Variants in GABRB3 observed in about 807,000 individuals in gnomAD.
The protein encoded by GABRB3 is gamma-aminobutyric acid receptor subunit beta-3.
Under a neutral mutation model 52.1 loss-of-function variants are expected in GABRB3, and 14 were observed. That is an observed-to-expected ratio of 0.27 (90% CI 0.18 to 0.42). The LOEUF (loss-of-function observed/expected upper bound fraction) is 0.42, where lower values mean the gene tolerates loss of function less well. Among genes scored for constraint, GABRB3 ranks in the 10% least tolerant of loss-of-function variants. The pLI is 1.00. For synonymous variants in GABRB3, 260 were observed against 232.3 expected, an observed-to-expected ratio of 1.12 and a Z score of -1.08; for missense variants, 307 against 609.1, an observed-to-expected ratio of 0.50 and a Z score of 5.22.
chr15:26,763,276 A>G (rs534567623), intron 3 of GABRB3, among the ~76,000 whole-genome samples: 284 of 152,264 alleles, frequency 1.9e-3, no homozygotes, highest in African/African-American at 6.6e-3. Flanking sequence ...TTCTGGGACA[A>G]GTTCACAGGG....
rs78822758 is a variant in GABRB3, at chr15:26,589,954, G to A, written c.462-6540C>T. 1.8e-4 allele frequency among the ~76,000 whole-genome samples: 28 copies of A among 152,242 alleles called. No individual in the cohort carries two copies. The East Asian group carries it at 2.5e-3, about 14-fold the overall frequency. Reference sequence around the variant, plus strand: ...TAATGTCCCAAATGTAAGAGTCAGCGGGGACACATTCCCGCTAACAAGCAC... The same window carrying A: ...TAATGTCCCAAATGTAAGAGTCAGCAGGGACACATTCCCGCTAACAAGCAC... On this transcript the variant is annotated intron_variant, in intron 4 of 8. Transcript: ENST00000311550.
At chr15:26,609,474 G>A (rs4906683) in intron 4 of GABRB3, among the ~76,000 whole-genome samples, 74,895 of 151,896 alleles carry the variant, frequency 0.49, 19,569 homozygotes, top group Non-Finnish European at 0.59. Context: ...AAATCTACTC[G>A]ATATAAAACG....
intron 3 of GABRB3, among the ~76,000 whole-genome samples, chr15:26,762,175 G>A (rs1318048405): frequency 6.6e-6 from 1 of 152,034 alleles, no homozygotes; most frequent in Non-Finnish European, 1.5e-5. Context: ...AACATAAGAA[G>A]GCTTAATACA....
At chr15:26,721,826 CA>C (rs1467502406) in intron 3 of GABRB3, among the ~76,000 whole-genome samples, 3 of 151,770 alleles carry the variant, frequency 2.0e-5, no homozygotes, top group African/African-American at 7.3e-5. Context: ...AAGAAAGAGC[CA>C]GGACTAGCAG....
intron 4 of GABRB3, among the ~76,000 whole-genome samples, chr15:26,600,944 C>T (rs572547172): frequency 5.3e-5 from 8 of 152,106 alleles, no homozygotes; most frequent in South Asian, 2.1e-4. Context: ...AAACACATCA[C>T]GAAATGAGGT....
chr15:26,616,081 A>G (rs1308343687), intron 4 of GABRB3: 2 of 1,289,096 alleles, frequency 1.6e-6, no homozygotes, highest in African/African-American at 1.5e-5. Context: ...AAAAGATGCA[A>G]TGCATTGTTG....
intron 4 of GABRB3, among the ~76,000 whole-genome samples, chr15:26,597,777 T>C (rs1459620358): frequency 1.3e-5 from 2 of 152,208 alleles, no homozygotes; most frequent in Admixed American, 1.3e-4. Context: ...CAAGTCAGAG[T>C]ATGAAGCCAC....
At chr15:26,710,628 A>C (rs1889262091) in intron 3 of GABRB3, among the ~76,000 whole-genome samples, 1 of 152,180 alleles carries the variant, frequency 6.6e-6, no homozygotes, top group African/African-American at 2.4e-5. Flanking sequence ...AGAAACCTTC[A>C]AATAGTTTTC....
At chr15:26,650,374 T>C (rs1595508564) in intron 3 of GABRB3, among the ~76,000 whole-genome samples, 1 of 151,716 alleles carries the variant, frequency 6.6e-6, no homozygotes, top group African/African-American at 2.4e-5. Flanking sequence ...TGGGCTGGAG[T>C]GGGTGATGCT....
intron 8 of GABRB3, among the ~76,000 whole-genome samples, chr15:26,553,185 C>A (rs113558642): frequency 0.18 from 27,613 of 152,170 alleles, 3,136 homozygotes; most frequent in Admixed American, 0.25. Context: ...GAGTCTCGCT[C>A]TGTCACCCAG....
At chr15:26,564,381 G>C (rs1478076459) in intron 7 of GABRB3, among the ~76,000 whole-genome samples, 3 of 152,130 alleles carry the variant, frequency 2.0e-5, no homozygotes, top group Non-Finnish European at 4.4e-5. Context: ...CAGACCCTGG[G>C]CAGCAGAAGC....
At chr15:26,738,153 G>T (rs893540887) in intron 3 of GABRB3, among the ~76,000 whole-genome samples, 10 of 152,034 alleles carry the variant, frequency 6.6e-5, no homozygotes, top group African/African-American at 2.4e-4. Context: ...TGTGACCTCG[G>T]CTCACTGCAA....
chr15:26,694,484 A>T (rs978309944), intron 3 of GABRB3, among the ~76,000 whole-genome samples: 1 of 152,226 alleles, frequency 6.6e-6, no homozygotes, highest in Non-Finnish European at 1.5e-5. Flanking sequence ...GCCCAAAGAC[A>T]AAAGAGAAGA....
intron 4 of GABRB3, among the ~76,000 whole-genome samples, chr15:26,608,201 C>A (rs910605451): frequency 3.3e-5 from 5 of 151,268 alleles, no homozygotes; most frequent in African/African-American, 1.2e-4. Context: ...CAAGAATATG[C>A]AATGGGAAAA....
At chr15:26,583,094 G>C (rs368196464) in intron 5 of GABRB3, among the ~76,000 whole-genome samples, 1 of 152,092 alleles carries the variant, frequency 6.6e-6, no homozygotes, top group Non-Finnish European at 1.5e-5. Context: ...TGAATGGACC[G>C]AAATGAGGGG....
At position 26,561,190 on chromosome 15, in the gene GABRB3, A is replaced by C; in HGVS notation, c.836-14T>G. 1 of 1,613,358 alleles carries C rather than the reference A, an allele frequency of 6.2e-7. No individual in the cohort carries two copies. The highest frequency in any genetic ancestry group is 1.1e-5 in the South Asian group (1 of 91,084). ...CAGTTGTGATCCCTAGAAAAGAAAC[A>C]AAGTGGTGAGAGGCTGAAACTTTGC... On this transcript the variant is annotated splice_polypyrimidine_tract_variant and intron_variant, in intron 7 of 8. Transcript: ENST00000311550.
At chr15:26,592,614 C>T (rs907252994) in intron 4 of GABRB3, among the ~76,000 whole-genome samples, 1 of 152,136 alleles carries the variant, frequency 6.6e-6, no homozygotes, top group African/African-American at 2.4e-5. Context: ...TGCAAGAAAT[C>T]CTAGCCACAA....
In GABRB3 at chr15:26,600,344, AC is replaced by A. The variant is rs1891543336; in HGVS notation, c.462-16931del. 2.0e-5 allele frequency among the ~76,000 whole-genome samples: 3 copies of A among 152,156 alleles called. No homozygotes were observed. The South Asian group carries it at 6.2e-4, about 31-fold the overall frequency. Reference sequence around the variant, plus strand: ...ATATTTTAAAAAATAGTGGCTGAAAACGTTCTTAATCTAGTAATAGATACAG... The same window carrying A: ...ATATTTTAAAAAATAGTGGCTGAAAAGTTCTTAATCTAGTAATAGATACAG... On this transcript the variant is annotated intron_variant, in intron 4 of 8. Coordinates refer to ENST00000311550, the MANE Select transcript of GABRB3 (RefSeq NM_000814.6).
intron 4 of GABRB3, among the ~76,000 whole-genome samples, chr15:26,589,798 C>A (rs75036679): frequency 6.6e-6 from 1 of 152,130 alleles, no homozygotes; most frequent in Non-Finnish European, 1.5e-5. Context: ...CAACCACACA[C>A]GCAGAGTAAG....
Sources: gnomAD v4.1 joint callset for allele counts (sites outside exome capture counted in the v4.1 genomes callset) on GRCh38, gnomAD v4.1.1 for gene constraint, MANE v1.5 for transcripts, NCBI Gene and HGNC (gene_info 2026-07-23, HGNC 2026-07-21) for gene names.